Variants in MMAA observed in about 807,000 individuals in gnomAD.
The protein encoded by MMAA is metabolism of cobalamin associated A.
MMAA carries 41 observed loss-of-function variants against 45.0 expected under a neutral mutation model. The ratio of observed to expected loss-of-function variants is 0.91; its 90% CI spans 0.71 to 1.18. The LOEUF (loss-of-function observed/expected upper bound fraction) is 1.18. MMAA is among the 50% of genes most tolerant of loss of function. MMAA has a pLI of 0.00. For missense variants in MMAA, 460 were observed against 495.7 expected (o/e 0.93, Z 0.68); for synonymous variants, 154 against 178.2 (o/e 0.86, Z 1.08).
intron 1 of MMAA, chr4:145,625,819 G>T: frequency 8.6e-7 from 1 of 1,159,642 alleles, no homozygotes; most frequent in Non-Finnish European, 1.3e-6. Flanking sequence ...AGGTCCACCT[G>T]TTCATTTAGT....
At position 145,646,421 on chromosome 4, in the gene MMAA, C is replaced by T. The variant is rs1380394104; in HGVS notation, c.733+265C>T. The T allele has an allele frequency of 2.3e-5, 10 of 426,110 alleles. No individual in the cohort carries two copies. In the East Asian group the frequency reaches 4.8e-4, roughly 21 times the overall value. The allele number at this position is 426,110 out of a possible 1,614,324, so 26.4% of individuals were successfully genotyped here. ...ATACATGCCAGAGGAGAACTGTAAA[C>T]ATTAGGATGATCTGTGTAAATGATG... On this transcript the variant is annotated intron_variant, in intron 4 of 6. Coordinates refer to ENST00000649156, the MANE Select transcript of MMAA (RefSeq NM_172250.3).
chr4:145,633,866 C>T (rs1000893058), intron 1 of MMAA, among the ~76,000 whole-genome samples: 1 of 152,238 alleles, frequency 6.6e-6, no homozygotes, highest in African/African-American at 2.4e-5. Context: ...GAAGAATTCT[C>T]TGGATTATCA....
In MMAA at chr4:145,656,023, C is replaced by T. The variant is rs886059095; in HGVS notation, c.*589C>T. The T allele has an allele frequency of 3.3e-5, 5 of 152,164 alleles. No individual in the cohort carries two copies. Among genetic ancestry groups the T allele is most frequent in the African/African-American group, 1.2e-4 (5 of 41,414 alleles). 9.4% of individuals were successfully genotyped at this position (152,164 alleles called of 1,614,324 possible). A position where few individuals can be genotyped will look rare whatever the true frequency, so the allele number is the denominator to read the frequency against. ...TTTGCAGGTACCCTTCCGCCACCCCCCAACATGATAGGTAAGAGAGCAAAA... is the reference window on the plus strand; with the variant it reads ...TTTGCAGGTACCCTTCCGCCACCCCTCAACATGATAGGTAAGAGAGCAAAA... On this transcript the variant is annotated 3_prime_UTR_variant, in exon 7 of 7. Coordinates refer to ENST00000649156, the MANE Select transcript of MMAA (RefSeq NM_172250.3).
At chr4:145,621,828 T>C (rs199546337) in intron 1 of MMAA, among the ~76,000 whole-genome samples, 2 of 152,130 alleles carry the variant, frequency 1.3e-5, no homozygotes, top group East Asian at 3.8e-4. Flanking sequence ...AAGATAAATA[T>C]CCCAAGTCAG....
intron 1 of MMAA, among the ~76,000 whole-genome samples, chr4:145,638,136 G>A (rs1727669952): frequency 1.3e-5 from 2 of 152,170 alleles, no homozygotes; most frequent in Admixed American, 6.5e-5. Context: ...TTGGGAGGCC[G>A]AGGCGGGCGG....
intron 4 of MMAA, chr4:145,650,302 C>T (rs925860895): frequency 2.0e-5 from 3 of 152,174 alleles, no homozygotes; most frequent in African/African-American, 7.2e-5. Context: ...CCTTTTCAGT[C>T]AAATAGTTCT....
At chr4:145,622,411 T>A (rs887519246) in intron 1 of MMAA, among the ~76,000 whole-genome samples, 19 of 152,164 alleles carry the variant, frequency 1.2e-4, no homozygotes, top group Admixed American at 3.9e-4. Flanking sequence ...GGTATGTCTT[T>A]ATCAGCAGCC....
chr4:145,641,554 A>G (rs1727783593), intron 2 of MMAA, among the ~76,000 whole-genome samples: 1 of 152,232 alleles, frequency 6.6e-6, no homozygotes, highest in Admixed American at 6.5e-5. Context: ...TTTAACATAC[A>G]CTTATATGTC....
At chr4:145,625,773 T>C (rs17020442) in intron 1 of MMAA, 84,691 of 1,224,230 alleles carry the variant, frequency 0.069, 3,474 homozygotes, top group Middle Eastern at 0.16. Flanking sequence ...CTGCTGAGCC[T>C]GCTGTTGAAT....
chr4:145,658,638 A>G lies in MMAA; in HGVS notation c.*3204A>G, dbSNP rs188863865. ...CTATTGCCCAGTGTACACTGAAGAC[A>G]ACAGCTAACGAACAACATACGTGTG... On this transcript the variant is annotated 3_prime_UTR_variant, in exon 7 of 7. Transcript: ENST00000649156. 4.6e-5 allele frequency: 7 copies of G among 152,128 alleles called. No homozygotes were observed. Among genetic ancestry groups the G allele is most frequent in the Admixed American group, 3.3e-4 (5 of 15,278 alleles). The allele number at this position is 152,128 out of a possible 1,614,324, so 9.4% of individuals were successfully genotyped here.
At chr4:145,648,836 A>ATT (rs1226905831) in intron 4 of MMAA, among the ~76,000 whole-genome samples, 2 of 152,130 alleles carry the variant, frequency 1.3e-5, no homozygotes, top group African/African-American at 4.8e-5. Flanking sequence ...AAATAAAAAA[A>ATT]TTAGCTGGGC....
At chr4:145,641,534 A>G (rs1346480670) in intron 2 of MMAA, among the ~76,000 whole-genome samples, 2 of 152,210 alleles carry the variant, frequency 1.3e-5, no homozygotes, top group Non-Finnish European at 2.9e-5. Flanking sequence ...TCTATGTTTT[A>G]TATATTTCAT....
intron 1 of MMAA, among the ~76,000 whole-genome samples, chr4:145,627,779 A>C (rs1046904193): frequency 3.9e-5 from 6 of 152,178 alleles, no homozygotes; most frequent in Non-Finnish European, 7.3e-5. Flanking sequence ...CCTAATTTTT[A>C]TTATAGTATA....
chr4:145,627,617 C>T (rs533824743), intron 1 of MMAA, among the ~76,000 whole-genome samples: 2 of 152,224 alleles, frequency 1.3e-5, no homozygotes, highest in East Asian at 1.9e-4. Context: ...AAGACAAATA[C>T]TATTTTTGAG....
At chr4:145,642,792 C>G in intron 3 of MMAA, 1 of 369,402 alleles carries the variant, frequency 2.7e-6, no homozygotes, top group South Asian at 2.5e-5. Flanking sequence ...CCAGGCCCCT[C>G]TTTGCTCCTG....
chr4:145,653,037 T>G (rs1728140298), intron 5 of MMAA, among the ~76,000 whole-genome samples: 1 of 152,040 alleles, frequency 6.6e-6, no homozygotes, highest in African/African-American at 2.4e-5. Flanking sequence ...TCTCGGCTAA[T>G]TTTTTAATTT....
At chr4:145,645,936 T>C in intron 3 of MMAA, 50 bp from the exon 4 acceptor site, 1 of 1,591,130 alleles carries the variant, frequency 6.3e-7, no homozygotes, top group Admixed American at 1.7e-5. Flanking sequence ...TGGCTGATAA[T>C]TGACCCGTAA....
intron 1 of MMAA, chr4:145,625,340 G>T (rs1448825602): frequency 2.8e-6 from 2 of 707,750 alleles, no homozygotes; most frequent in Admixed American, 1.8e-5. Context: ...ATTCTCCAAG[G>T]TCTGCTTTTT....
intron 1 of MMAA, among the ~76,000 whole-genome samples, chr4:145,627,438 G>A (rs1156410665): frequency 1.3e-5 from 2 of 152,090 alleles, no homozygotes; most frequent in African/African-American, 4.8e-5. Context: ...TTAACATAGA[G>A]TAGATGGAGT....
Sources: allele counts gnomAD v4.1 joint callset (sites outside exome capture counted in the v4.1 genomes callset), GRCh38; gene constraint gnomAD v4.1.1; transcripts MANE v1.5; gene names NCBI Gene and HGNC (gene_info 2026-07-23, HGNC 2026-07-21).